Variants in PKNOX2 observed in about 807,000 individuals in gnomAD.
PKNOX2 encodes PBX/knotted 1 homeobox 2, also known as homeobox protein PKNOX2.
In PKNOX2, 14 loss-of-function variants were observed where a neutral mutation model predicts 53.1. The observed-to-expected ratio is 0.26, with a 90% CI of 0.17 to 0.41. The LOEUF is 0.41. Among genes scored for constraint, PKNOX2 ranks in the 10% least tolerant of loss-of-function variants. PKNOX2 has a pLI of 1.00. For missense variants in PKNOX2, 496 were observed against 602.8 expected, an observed-to-expected ratio of 0.82 and a Z score of 1.85; for synonymous variants, 257 against 242.8, an observed-to-expected ratio of 1.06 and a Z score of -0.54.
At chr11:125,380,464 G>A (rs1190363862) in intron 5 of PKNOX2, among the ~76,000 whole-genome samples, 3 of 152,100 alleles carry the variant, frequency 2.0e-5, no homozygotes, top group Non-Finnish European at 4.4e-5. Flanking sequence ...TGGGAGGGAG[G>A]AGGTGAGCTC....
chr11:125,357,680 G>A (rs960812819), intron 4 of PKNOX2, among the ~76,000 whole-genome samples: 9 of 152,140 alleles, frequency 5.9e-5, no homozygotes, highest in African/African-American at 1.2e-4. Flanking sequence ...GTGTCTGTGC[G>A]GCCTGGCAGG....
intron 9 of PKNOX2, chr11:125,411,486 C>CTG (rs1197536823): frequency 9.2e-6 from 4 of 433,944 alleles, no homozygotes; most frequent in African/African-American, 8.5e-5. Context: ...CTCTCTCTCT[C>CTG]TCTCTCTCTC....
intron 1 of PKNOX2, among the ~76,000 whole-genome samples, chr11:125,180,381 G>A (rs1378979209): frequency 6.6e-6 from 1 of 152,216 alleles, no homozygotes; most frequent in Non-Finnish European, 1.5e-5. Flanking sequence ...TGGAATGAAT[G>A]AATGAGTGAA....
intron 2 of PKNOX2, among the ~76,000 whole-genome samples, chr11:125,242,352 C>T (rs1433867084): frequency 1.3e-5 from 2 of 152,160 alleles, no homozygotes; most frequent in Non-Finnish European, 2.9e-5. Flanking sequence ...TTCATACCCC[C>T]ACCTGCCCAT....
chr11:125,406,326 C>A (rs552974835), intron 7 of PKNOX2, among the ~76,000 whole-genome samples: 10 of 152,228 alleles, frequency 6.6e-5, no homozygotes, highest in African/African-American at 2.4e-4. Flanking sequence ...TAGTCAGAGA[C>A]GATGCTTAGG....
At chr11:125,427,063 C>T (rs964742744) in intron 10 of PKNOX2, among the ~76,000 whole-genome samples, 1 of 152,196 alleles carries the variant, frequency 6.6e-6, no homozygotes, top group African/African-American at 2.4e-5. Context: ...ATTTTTGCTG[C>T]TTTTTGTCTA....
At chr11:125,232,451 G>C (rs1942292053) in intron 1 of PKNOX2, among the ~76,000 whole-genome samples, 1 of 152,164 alleles carries the variant, frequency 6.6e-6, no homozygotes, top group African/African-American at 2.4e-5. Context: ...GTTAGCATTA[G>C]CCCTATTTTA....
intron 7 of PKNOX2, among the ~76,000 whole-genome samples, chr11:125,404,082 G>C (rs1277102513): frequency 2.0e-5 from 3 of 152,116 alleles, no homozygotes; most frequent in Non-Finnish European, 2.9e-5. Flanking sequence ...AGCATCCTGA[G>C]GACAGGACCA....
At chr11:125,264,590 G>A (rs936618813) in intron 2 of PKNOX2, among the ~76,000 whole-genome samples, 7 of 152,008 alleles carry the variant, frequency 4.6e-5, no homozygotes, top group Non-Finnish European at 4.4e-5. Context: ...TGGCGGGGCC[G>A]GGGGGCTGCC....
rs1956760491 is a variant in PKNOX2, at chr11:125,432,814, A to C, written c.*1422A>C. Reference sequence around the variant, plus strand: ...TTAATGGACGTGCAGTTTCATTTGTAAATTGTGCATTGGCCACCTCCTTCA... The same window carrying C: ...TTAATGGACGTGCAGTTTCATTTGTCAATTGTGCATTGGCCACCTCCTTCA... On this transcript the variant is annotated 3_prime_UTR_variant, in exon 13 of 13. Coordinates refer to ENST00000298282, the MANE Select transcript of PKNOX2 (RefSeq NM_001382323.2). 6.6e-6 allele frequency: 1 copy of C among 152,662 alleles called. No homozygotes were observed. The highest frequency in any genetic ancestry group is 1.5e-5 in the Non-Finnish European group (1 of 68,050). 9.5% of individuals were successfully genotyped at this position (152,662 alleles called of 1,614,324 possible). A position where few individuals can be genotyped will look rare whatever the true frequency, so the allele number is the denominator to read the frequency against.
intron 4 of PKNOX2, 35 bp from the exon 5 acceptor site, chr11:125,367,811 G>A (rs1265480853): frequency 1.3e-6 from 2 of 1,598,420 alleles, no homozygotes; most frequent in Admixed American, 1.7e-5. Flanking sequence ...CCCTGGCCAT[G>A]CTAACCCACC....
At chr11:125,324,432 TC>T (rs1949715211) in intron 2 of PKNOX2, among the ~76,000 whole-genome samples, 1 of 152,230 alleles carries the variant, frequency 6.6e-6, no homozygotes, top group Admixed American at 6.5e-5. Flanking sequence ...TACTCCTTTA[TC>T]CAGCAAATAT....
chr11:125,303,184 CAT>C (rs1344970402), intron 2 of PKNOX2, among the ~76,000 whole-genome samples: 1 of 152,252 alleles, frequency 6.6e-6, no homozygotes, highest in East Asian at 1.9e-4. Context: ...CAGAAATAAA[CAT>C]AACCTAAATC....
At chr11:125,185,925 A>T (rs1267744336) in intron 1 of PKNOX2, among the ~76,000 whole-genome samples, 1 of 152,178 alleles carries the variant, frequency 6.6e-6, no homozygotes, top group African/African-American at 2.4e-5. Flanking sequence ...AGGTAATTCT[A>T]TGTTTAACTT....
At position 125,422,517 on chromosome 11, in the gene PKNOX2, G is replaced by A. The variant is rs1205036183; in HGVS notation, c.937-6495G>A. On this transcript the variant is annotated intron_variant, in intron 10 of 12. Coordinates refer to ENST00000298282, the MANE Select transcript of PKNOX2 (RefSeq NM_001382323.2). The surrounding 1 kb of genome is among the most constrained non-coding windows in gnomAD (Gnocchi z 4.1). Reference sequence around the variant, plus strand: ...CCCTGGTGTAGCGCTGTCCCAGGGTGTGTGCCCTGCTGGCAATGTGTCCCC... The same window carrying A: ...CCCTGGTGTAGCGCTGTCCCAGGGTATGTGCCCTGCTGGCAATGTGTCCCC... 1.3e-5 allele frequency among the ~76,000 whole-genome samples: 2 copies of A among 152,172 alleles called. No homozygotes were observed. The highest frequency in any genetic ancestry group is 4.8e-5 in the African/African-American group (2 of 41,436).
At chr11:125,324,748 G>A (rs1471315599) in intron 2 of PKNOX2, among the ~76,000 whole-genome samples, 2 of 152,136 alleles carry the variant, frequency 1.3e-5, no homozygotes, top group East Asian at 3.9e-4. Context: ...GGTGGCAGAG[G>A]CAAAAACAAA....
At chr11:125,200,112 T>A (rs1938265439) in intron 1 of PKNOX2, among the ~76,000 whole-genome samples, 1 of 152,196 alleles carries the variant, frequency 6.6e-6, no homozygotes, top group Admixed American at 6.5e-5. Context: ...TTGCCTTCAG[T>A]GTACAATGTC....
At chr11:125,383,845 C>T (rs1953423695) in intron 5 of PKNOX2, among the ~76,000 whole-genome samples, 1 of 152,152 alleles carries the variant, frequency 6.6e-6, no homozygotes, top group African/African-American at 2.4e-5. Context: ...ACAGCACTGG[C>T]TAGACCATCC....
intron 8 of PKNOX2, 143 bp downstream of exon 8, chr11:125,410,468 GT>G: frequency 8.4e-7 from 1 of 1,190,156 alleles, no homozygotes; most frequent in African/African-American, 1.5e-5. Context: ...TTTTCTGTAA[GT>G]TTATAGACGG....
Sources: allele counts gnomAD v4.1 joint callset (sites outside exome capture counted in the v4.1 genomes callset), GRCh38; gene constraint gnomAD v4.1.1; non-coding constraint Gnocchi (gnomAD v3.1); transcripts MANE v1.5; gene names NCBI Gene and HGNC (gene_info 2026-07-23, HGNC 2026-07-21).